The following LRRC38 variants were observed in gnomAD, a reference collection of about 807,000 sequenced individuals.
LRRC38 encodes leucine rich repeat containing 38.
A neutral mutation model predicts 16.4 loss-of-function variants in LRRC38; 5 were observed. The observed-to-expected ratio is 0.31, with a 90% CI of 0.16 to 0.64. LRRC38 has a LOEUF of 0.64. LRRC38 is among the 30% of genes least tolerant of loss of function. The probability of loss-of-function intolerance (pLI) is 0.80; values close to 1 mark genes in which losing one functional copy is unlikely to be tolerated. For missense variants in LRRC38, 341 were observed against 401.8 expected, an observed-to-expected ratio of 0.85 and a Z score of 1.29; for synonymous variants, 191 against 190.2, an observed-to-expected ratio of 1.00 and a Z score of -0.04.
intron 1 of LRRC38, among the ~76,000 whole-genome samples, chr1:13,512,082 C>T (rs1277975927): frequency 2.0e-5 from 3 of 152,210 alleles, no homozygotes; most frequent in Non-Finnish European, 4.4e-5. Context: ...TGAGAGGTCA[C>T]TGCGGGCACT....
At chr1:13,499,322 C>T (rs2100513476) in intron 1 of LRRC38, among the ~76,000 whole-genome samples, 1 of 152,322 alleles carries the variant, frequency 6.6e-6, no homozygotes. Context: ...TGGACTCAAA[C>T]ACCTGACCTC....
intron 1 of LRRC38, among the ~76,000 whole-genome samples, chr1:13,498,422 G>A (rs1639108524): frequency 6.6e-6 from 1 of 152,112 alleles, no homozygotes; most frequent in Non-Finnish European, 1.5e-5. Context: ...CACAAGGTCA[G>A]GAGTTCAAGA....
At chr1:13,510,696 C>T (rs1186268982) in intron 1 of LRRC38, among the ~76,000 whole-genome samples, 1 of 152,036 alleles carries the variant, frequency 6.6e-6, no homozygotes, top group East Asian at 1.9e-4. Flanking sequence ...GAGCACCTAC[C>T]ACACGCCAAG....
In LRRC38 at chr1:13,487,832, C is replaced by T. The variant is rs899210092; in HGVS notation, c.632-11733G>A. On this transcript the variant is annotated intron_variant, in intron 1 of 1. Transcript: ENST00000376085. The surrounding 1 kb of genome is among the most constrained non-coding windows in gnomAD (Gnocchi z 4.4). ...TCTCAGGCCCTTTCCCCTGATCTGG[C>T]CTCCTGGGAACTGCGTAACTCAGAT... is the stretch of plus-strand genomic sequence containing the variant. Among the ~76,000 whole-genome samples the T allele has an allele frequency of 3.3e-5, 5 of 152,190 alleles. No homozygotes were observed. Among genetic ancestry groups the T allele is most frequent in the African/African-American group, 1.2e-4 (5 of 41,436 alleles).
intron 1 of LRRC38, among the ~76,000 whole-genome samples, chr1:13,496,189 G>C (rs529797056): frequency 6.6e-6 from 1 of 151,876 alleles, no homozygotes; most frequent in African/African-American, 2.4e-5. Context: ...GAGAGAGATA[G>C]AGTGTCTCGT....
intron 1 of LRRC38, among the ~76,000 whole-genome samples, chr1:13,511,550 G>A (rs1013772453): frequency 2.6e-5 from 4 of 152,048 alleles, no homozygotes; most frequent in African/African-American, 9.7e-5. Context: ...GAAGACAACT[G>A]GAGCCAATAA....
At chr1:13,476,286 A>C (rs575069031) in intron 1 of LRRC38, among the ~76,000 whole-genome samples, 187 bp from the exon 2 acceptor site, 163 of 150,302 alleles carry the variant, frequency 1.1e-3, no homozygotes, top group Non-Finnish European at 1.9e-3. Context: ...AGTGATCACC[A>C]TGGGAAAAGT....
intron 1 of LRRC38, among the ~76,000 whole-genome samples, chr1:13,485,277 T>TAAA (rs3060199): frequency 0.36 from 34,644 of 97,358 alleles, 5,842 homozygotes; most frequent in African/African-American, 0.51. Flanking sequence ...AACCCCACCT[T>TAAA]AAAAAAAAAA....
At chr1:13,486,153 G>T (rs1404503463) in intron 1 of LRRC38, among the ~76,000 whole-genome samples, 2 of 152,156 alleles carry the variant, frequency 1.3e-5, no homozygotes, top group African/African-American at 4.8e-5. Flanking sequence ...TGGCCAGGCT[G>T]GTCTCGAACT....
At chr1:13,509,768 A>G (rs759897645) in intron 1 of LRRC38, among the ~76,000 whole-genome samples, 2 of 151,898 alleles carry the variant, frequency 1.3e-5, no homozygotes, top group Non-Finnish European at 2.9e-5. Flanking sequence ...TCCTACCTAC[A>G]CTCTTTGTTT....
Position 13,487,601 on chromosome 1 carries a change from C to A in LRRC38, c.632-11502G>T, listed in dbSNP as rs997933387. Among the ~76,000 whole-genome samples, 1 of 152,224 alleles carries A rather than the reference C, an allele frequency of 6.6e-6. No individual in the cohort carries two copies. The highest frequency in any genetic ancestry group is 1.5e-5 in the Non-Finnish European group (1 of 68,040). On this transcript the variant is annotated intron_variant, in intron 1 of 1. Coordinates refer to ENST00000376085, the MANE Select transcript of LRRC38 (RefSeq NM_001010847.2). The surrounding 1 kb of genome is among the most constrained non-coding windows in gnomAD (Gnocchi z 4.4). ...AGACAGGCATCTCCCTTGTGCAGGG[C>A]GGCTCCGTGGCCTGCCCGTCACCAC...
chr1:13,495,960 C>T (rs911341495), intron 1 of LRRC38, among the ~76,000 whole-genome samples: 1 of 152,100 alleles, frequency 6.6e-6, no homozygotes, highest in African/African-American at 2.4e-5. Flanking sequence ...CCTATATCAG[C>T]ACAGTCTTAC....
At chr1:13,510,855 A>T (rs952549557) in intron 1 of LRRC38, among the ~76,000 whole-genome samples, 7 of 152,166 alleles carry the variant, frequency 4.6e-5, no homozygotes, top group African/African-American at 1.7e-4. Context: ...CCTGAGTCCA[A>T]ACCTGAATGC....
chr1:13,513,525 C>T lies in LRRC38; in HGVS notation c.69G>A (p.Ala23=), dbSNP rs766436549. 25 of 1,434,636 alleles carry T rather than the reference C, an allele frequency of 1.7e-5. No homozygotes were observed. The highest frequency in any genetic ancestry group is 2.4e-4 in the Middle Eastern group (1 of 4,224). The allele number at this position is 1,434,636 out of a possible 1,614,324, so 88.9% of individuals were successfully genotyped here. The change falls in exon 1 of 2, where the codon GCG becomes GCA. Residue 23 remains alanine (A), a synonymous_variant. Transcript: ENST00000376085. ...LGLCSLLLLL[A]PGHACPAGCA... is the part of the protein sequence containing the mutation. ...AGCCCGCGGGGCACGCGTGCCCGGG[C>T]GCGAGCAGCAGCAGAAGGCTGCAGA... is the stretch of plus-strand genomic sequence containing the variant.
intron 1 of LRRC38, among the ~76,000 whole-genome samples, chr1:13,496,037 T>G (rs1490970822): frequency 6.6e-6 from 1 of 152,080 alleles, no homozygotes; most frequent in Non-Finnish European, 1.5e-5. Flanking sequence ...GCTTACAAAT[T>G]GTGATTAGAA....
intron 1 of LRRC38, among the ~76,000 whole-genome samples, chr1:13,483,131 CT>C (rs572126619): frequency 1.6e-4 from 24 of 150,166 alleles, no homozygotes; most frequent in African/African-American, 2.4e-4. Context: ...GGCACAGTGT[CT>C]TTTTTTTTTA....
intron 1 of LRRC38, among the ~76,000 whole-genome samples, chr1:13,510,808 G>A (rs1639265747): frequency 6.6e-6 from 1 of 152,206 alleles, no homozygotes; most frequent in Non-Finnish European, 1.5e-5. Context: ...AAGAAACTGA[G>A]GCTTGGAGAG....
intron 1 of LRRC38, among the ~76,000 whole-genome samples, chr1:13,488,032 TTGTGTGTG>T (rs71570140): frequency 2.7e-5 from 4 of 147,102 alleles, no homozygotes; most frequent in Non-Finnish European, 6.0e-5. Context: ...TTGTGTGTGT[TTGTGTGTG>T]TGTGTGTGTG....
intron 1 of LRRC38, among the ~76,000 whole-genome samples, chr1:13,496,263 G>A (rs1181184120): frequency 6.6e-6 from 1 of 152,048 alleles, no homozygotes. Context: ...AACAATCCTG[G>A]CCTCAAGTGA....
Sources: allele counts gnomAD v4.1 joint callset (sites outside exome capture counted in the v4.1 genomes callset), GRCh38; gene constraint gnomAD v4.1.1; non-coding constraint Gnocchi (gnomAD v3.1); transcripts MANE v1.5; gene names NCBI Gene and HGNC (gene_info 2026-07-23, HGNC 2026-07-21).